The following NAALADL2 variants were observed in gnomAD, a reference collection of about 807,000 sequenced individuals.
The protein encoded by NAALADL2 is N-acetylated alpha-linked acidic dipeptidase like 2, also known as inactive N-acetylated-alpha-linked acidic dipeptidase-like protein 2.
NAALADL2 carries 76 observed loss-of-function variants against 87.2 expected under a neutral mutation model. The observed-to-expected ratio is 0.87, with a 90% CI of 0.72 to 1.05. The LOEUF (loss-of-function observed/expected upper bound fraction) is 1.05, where lower values mean the gene tolerates loss of function less well. Ranked by LOEUF, NAALADL2 falls within the 50% of genes least tolerant of loss-of-function variation. NAALADL2 has a pLI of 0.00. For synonymous variants in NAALADL2, 354 were observed against 331.0 expected (o/e 1.07, Z -0.75); for missense variants, 1,089 against 945.8 (o/e 1.15, Z -1.99).
chr3:175,168,094 G>A (rs186059019), intron 2 of NAALADL2, among the ~76,000 whole-genome samples: 37 of 151,854 alleles, frequency 2.4e-4, no homozygotes, highest in Non-Finnish European at 3.8e-4. Context: ...GGTATATGTG[G>A]GGGAAACAAG....
chr3:175,456,676 C>A (rs975088344), intron 6 of NAALADL2, among the ~76,000 whole-genome samples: 1 of 152,024 alleles, frequency 6.6e-6, no homozygotes. Context: ...AATCATCTGA[C>A]AAACAATGAC....
At chr3:175,347,097 T>A (rs1014126097) in intron 5 of NAALADL2, among the ~76,000 whole-genome samples, 1 of 152,140 alleles carries the variant, frequency 6.6e-6, no homozygotes, top group Non-Finnish European at 1.5e-5. Flanking sequence ...TGCTATTACA[T>A]TGGGCTGCCT....
chr3:174,465,102 A>G (rs552295962), intron 1 of NAALADL2, among the ~76,000 whole-genome samples: 1 of 152,216 alleles, frequency 6.6e-6, no homozygotes, highest in African/African-American at 2.4e-5. Context: ...ATGTTTTTTA[A>G]ATTTTAAAAC....
At chr3:174,580,279 A>G (rs957671217) in intron 2 of NAALADL2, among the ~76,000 whole-genome samples, 90 of 152,072 alleles carry the variant, frequency 5.9e-4, no homozygotes, top group Admixed American at 5.6e-3. Context: ...TGGAAAGGCT[A>G]TTAGTTCTTA....
chr3:174,838,767 A>G (rs1723665968), intron 3 of NAALADL2, among the ~76,000 whole-genome samples: 1 of 152,184 alleles, frequency 6.6e-6, no homozygotes, highest in African/African-American at 2.4e-5. Context: ...ATAAAATAAA[A>G]TACTTAGGAC....
chr3:175,384,218 T>C (rs1283329170), intron 5 of NAALADL2, among the ~76,000 whole-genome samples: 4 of 152,040 alleles, frequency 2.6e-5, no homozygotes, highest in Non-Finnish European at 5.9e-5. Flanking sequence ...TTTAGTATAA[T>C]GGTAAATATT....
intron 1 of NAALADL2, among the ~76,000 whole-genome samples, chr3:174,870,778 A>C (rs1020829799): frequency 1.3e-5 from 2 of 152,186 alleles, no homozygotes; most frequent in African/African-American, 4.8e-5. Context: ...ATTTATGTCC[A>C]TATGCAAAAA....
intron 13 of NAALADL2, among the ~76,000 whole-genome samples, chr3:175,768,060 T>C (rs1391383420): frequency 6.6e-6 from 1 of 152,190 alleles, no homozygotes; most frequent in Non-Finnish European, 1.5e-5. Context: ...GGACCTGACT[T>C]GTGCCATAAT....
intron 1 of NAALADL2, among the ~76,000 whole-genome samples, chr3:174,985,840 G>A (rs1017997438): frequency 1.3e-5 from 2 of 151,814 alleles, no homozygotes; most frequent in East Asian, 3.9e-4. Context: ...TAATCCCAGC[G>A]ACTTGGGAGG....
chr3:175,414,012 A>G (rs1299210915), intron 5 of NAALADL2, among the ~76,000 whole-genome samples: 4 of 151,882 alleles, frequency 2.6e-5, no homozygotes, highest in Non-Finnish European at 4.4e-5. Context: ...TGTCCATATC[A>G]CTATGTTTGT....
At chr3:175,775,349 C>T (rs189508898) in intron 13 of NAALADL2, among the ~76,000 whole-genome samples, 2 of 152,000 alleles carry the variant, frequency 1.3e-5, no homozygotes, top group East Asian at 3.9e-4. Context: ...TTTTCTTTAT[C>T]CTTGAATAAT....
At chr3:175,216,662 TCTTTTC>T (rs757478981) in intron 2 of NAALADL2, among the ~76,000 whole-genome samples, 2 of 120,198 alleles carry the variant, frequency 1.7e-5, no homozygotes. Context: ...TCTTTTTTTT[TCTTTTC>T]TTTTTTTTTT....
intron 2 of NAALADL2, among the ~76,000 whole-genome samples, chr3:175,141,564 A>G (rs992929655): frequency 6.6e-6 from 1 of 152,216 alleles, no homozygotes; most frequent in Non-Finnish European, 1.5e-5. Context: ...CTTTGCTAAA[A>G]AGTTGTAAAT....
At chr3:175,136,289 G>A (rs1729103000) in intron 2 of NAALADL2, among the ~76,000 whole-genome samples, 1 of 152,146 alleles carries the variant, frequency 6.6e-6, no homozygotes, top group Non-Finnish European at 1.5e-5. Context: ...TGACTTGAGG[G>A]AGGCAGGAAG....
intron 2 of NAALADL2, among the ~76,000 whole-genome samples, chr3:175,130,394 G>T (rs779326877): frequency 1.3e-5 from 2 of 151,932 alleles, no homozygotes; most frequent in Non-Finnish European, 2.9e-5. Flanking sequence ...TATGCTTTTG[G>T]TATCGTATCC....
chr3:174,787,940 A>G (rs1717006819), intron 3 of NAALADL2, among the ~76,000 whole-genome samples: 1 of 152,006 alleles, frequency 6.6e-6, no homozygotes, highest in African/African-American at 2.4e-5. Context: ...AAACAAAACA[A>G]AACAAAACAC....
At chr3:174,957,511 G>A (rs929119735) in intron 1 of NAALADL2, among the ~76,000 whole-genome samples, 1 of 152,002 alleles carries the variant, frequency 6.6e-6, no homozygotes, top group Non-Finnish European at 1.5e-5. Context: ...CAATTCCAAA[G>A]CAACCTAAGC....
chr3:175,022,538 G>A (rs1751694624), intron 1 of NAALADL2, among the ~76,000 whole-genome samples: 1 of 152,014 alleles, frequency 6.6e-6, no homozygotes, highest in African/African-American at 2.4e-5. Flanking sequence ...TAGAGAGAAT[G>A]GTACAATTAA....
At chr3:175,188,809 C>T (rs1212326254) in intron 2 of NAALADL2, among the ~76,000 whole-genome samples, 1 of 152,092 alleles carries the variant, frequency 6.6e-6, no homozygotes, top group African/African-American at 2.4e-5. Flanking sequence ...TTGTGTGGTA[C>T]CCCAATCCCC....
Sources: gnomAD v4.1 joint callset for allele counts (sites outside exome capture counted in the v4.1 genomes callset) on GRCh38, gnomAD v4.1.1 for gene constraint, MANE v1.5 for transcripts, NCBI Gene and HGNC (gene_info 2026-07-23, HGNC 2026-07-21) for gene names.